The following PLCG1 variants were observed in gnomAD, a reference collection of about 807,000 sequenced individuals.
The protein encoded by PLCG1 is phospholipase C gamma 1.
Under a neutral mutation model 177.8 loss-of-function variants are expected in PLCG1, and 71 were observed. The ratio of observed to expected loss-of-function variants is 0.40; its 90% CI spans 0.33 to 0.49. PLCG1 has a LOEUF of 0.49. PLCG1 is among the 20% of genes least tolerant of loss of function. PLCG1 has a pLI of 0.72. For missense variants in PLCG1, 1,281 were observed against 1,709.0 expected, an observed-to-expected ratio of 0.75 and a Z score of 4.42; for synonymous variants, 658 against 647.9, an observed-to-expected ratio of 1.02 and a Z score of -0.24.
chr20:41,155,093 A>C (rs536287218), intron 1 of PLCG1, among the ~76,000 whole-genome samples: 2 of 152,190 alleles, frequency 1.3e-5, no homozygotes, highest in Non-Finnish European at 2.9e-5. Flanking sequence ...GAGGGAAGAG[A>C]TGGAAAAGGA....
chr20:41,164,925 T>C lies in PLCG1; in HGVS notation c.1218-8T>C. On this transcript the variant is annotated splice_polypyrimidine_tract_variant and splice_region_variant and intron_variant, in intron 12 of 31. Transcript: ENST00000685551. This position sits in a 1 kb window ranked among gnomAD's most constrained non-coding sequence, Gnocchi z 6.4. ...TCTGTTTCACTGTGCTTGTCCCCCA[T>C]CCCGCAGGTACCCAGTCATCCTGTC... 6.2e-7 allele frequency: 1 copy of C among 1,612,152 alleles called. No homozygotes were observed. Among genetic ancestry groups the C allele is most frequent in the Non-Finnish European group, 8.5e-7 (1 of 1,178,692 alleles).
intron 21 of PLCG1, 73 bp from the exon 22 acceptor site, chr20:41,169,006 C>T (rs909708): frequency 0.077 from 98,483 of 1,284,036 alleles, 4,266 homozygotes; most frequent in Middle Eastern, 0.16. Flanking sequence ...GCATGGGAAC[C>T]CCTACCAAAG....
chr20:41,149,776 C>T (rs1032709368), intron 1 of PLCG1, among the ~76,000 whole-genome samples: 3 of 152,088 alleles, frequency 2.0e-5, no homozygotes, highest in African/African-American at 4.8e-5. Context: ...AGGCCTGTAG[C>T]GCACAAAGAA....
At chr20:41,162,778 C>A in intron 6 of PLCG1, 53 bp downstream of exon 6, 1 of 1,471,962 alleles carries the variant, frequency 6.8e-7, no homozygotes, top group African/African-American at 1.4e-5. Flanking sequence ...TTCCACCCCA[C>A]ACCCCAGCTC....
At position 41,139,232 on chromosome 20, in the gene PLCG1, C is replaced by T. The variant is rs561046221; in HGVS notation, c.217+1374C>T. ...CCCCCTTCCTCAGTGCCCCCACTGA[C>T]CCTGTCAGCCATTGGGAGAACATTT... On this transcript the variant is annotated intron_variant, in intron 1 of 31. Coordinates refer to ENST00000685551, the MANE Select transcript of PLCG1 (RefSeq NM_002660.3). Among the ~76,000 whole-genome samples, 8 of 152,326 alleles carry T rather than the reference C, an allele frequency of 5.3e-5. No individual in the cohort carries two copies. In the South Asian group the frequency reaches 1.7e-3, roughly 32 times the overall value.
intron 1 of PLCG1, among the ~76,000 whole-genome samples, chr20:41,152,226 C>G (rs2035187183): frequency 1.3e-5 from 2 of 152,176 alleles, no homozygotes; most frequent in African/African-American, 4.8e-5. Flanking sequence ...CTCTTCTGAC[C>G]CCTGGGACCA....
chr20:41,162,368 G>A (rs972922090), intron 4 of PLCG1, 84 bp from the exon 5 acceptor site: 1 of 966,078 alleles, frequency 1.0e-6, no homozygotes, highest in Non-Finnish European at 1.6e-6. Flanking sequence ...TTGTTTACCT[G>A]TCCAGCCCCA....
chr20:41,168,919 TG>T, intron 21 of PLCG1, 49 bp downstream of exon 21: 1 of 1,366,182 alleles, frequency 7.3e-7, no homozygotes, highest in Non-Finnish European at 1.0e-6. Flanking sequence ...CCAGTGGAGC[TG>T]GGGCCCCAAA....
rs2035012301 is a variant in PLCG1, at chr20:41,146,940, G to A, written c.217+9082G>A. 6.6e-6 allele frequency among the ~76,000 whole-genome samples: 1 copy of A among 152,154 alleles called. No homozygotes were observed. The highest frequency in any genetic ancestry group is 1.9e-4 in the East Asian group (1 of 5,192). On this transcript the variant is annotated intron_variant, in intron 1 of 31. Transcript: ENST00000685551. This position sits in a 1 kb window ranked among gnomAD's most constrained non-coding sequence, Gnocchi z 6.3. ...CTCCAGTTGGCCATAGGTCCCACAGGTTTCTCAGCTTACTTGGGGGCAGGA... is the reference window on the plus strand; with the variant it reads ...CTCCAGTTGGCCATAGGTCCCACAGATTTCTCAGCTTACTTGGGGGCAGGA...
Position 41,166,968 on chromosome 20 carries a change from C to A in PLCG1, c.2301+109C>A. On this transcript the variant is annotated intron_variant, in intron 19 of 31. Coordinates refer to ENST00000685551, the MANE Select transcript of PLCG1 (RefSeq NM_002660.3). This position sits in a 1 kb window ranked among gnomAD's most constrained non-coding sequence, Gnocchi z 8.6. Reference sequence around the variant, plus strand: ...CAAGACCTGGTGTGTTGTAGAAGTTCGTGGGAGGGCCCCTGACTCCAGCTG... The same window carrying A: ...CAAGACCTGGTGTGTTGTAGAAGTTAGTGGGAGGGCCCCTGACTCCAGCTG... 1.9e-6 allele frequency: 2 copies of A among 1,057,660 alleles called. No homozygotes were observed. The highest frequency in any genetic ancestry group is 2.8e-6 in the Non-Finnish European group (2 of 702,980). 65.5% of individuals were successfully genotyped at this position (1,057,660 alleles called of 1,614,324 possible).
rs1445610289 is a variant in PLCG1 at position 41,159,319 on chromosome 20, G to A, written c.218-287G>A. Among the ~76,000 whole-genome samples, 3 of 152,100 alleles carry A rather than the reference G, an allele frequency of 2.0e-5. No homozygotes were observed. Among genetic ancestry groups the A allele is most frequent in the African/African-American group, 7.2e-5 (3 of 41,398 alleles). ...TCTTCTTCTGGAGTCTAGCTCTTTTGCAGGTCAAAATGTCTCAGTGAGGGA... is the reference window on the plus strand; with the variant it reads ...TCTTCTTCTGGAGTCTAGCTCTTTTACAGGTCAAAATGTCTCAGTGAGGGA... On this transcript the variant is annotated intron_variant, in intron 1 of 31. Transcript: ENST00000685551. This position sits in a 1 kb window ranked among gnomAD's most constrained non-coding sequence, Gnocchi z 6.0.
In PLCG1 at chr20:41,138,478, ATT is replaced by A. The variant is rs1175225004; in HGVS notation, c.217+636_217+637del. Among the ~76,000 whole-genome samples the A allele has an allele frequency of 5.7e-4, 78 of 137,992 alleles. 1 individual carries two copies. Among genetic ancestry groups the A allele is most frequent in the East Asian group, 5.3e-3 (25 of 4,726 alleles). 90.5% of individuals were successfully genotyped at this position (137,992 alleles called of 152,430 possible). On this transcript the variant is annotated intron_variant, in intron 1 of 31. Transcript: ENST00000685551. Reference sequence around the variant, plus strand: ...AGCCTGAGAGAAGCCAGTGGCTGGAATTTTTTTTTTTTTTTTTCTGCTACTTT... The same window carrying A: ...AGCCTGAGAGAAGCCAGTGGCTGGAATTTTTTTTTTTTTTTCTGCTACTTT...
chr20:41,167,844 G>C lies in PLCG1; in HGVS notation c.2302-8G>C. Reference sequence around the variant, plus strand: ...GCATTAACATATCCCATTGTGTCCTGTTTCCAGGAGCCTGACTACGGGGCC... The same window carrying C: ...GCATTAACATATCCCATTGTGTCCTCTTTCCAGGAGCCTGACTACGGGGCC... On this transcript the variant is annotated splice_polypyrimidine_tract_variant and splice_region_variant and intron_variant, in intron 19 of 31. Transcript: ENST00000685551. This position sits in a 1 kb window ranked among gnomAD's most constrained non-coding sequence, Gnocchi z 4.4. 6.2e-7 allele frequency: 1 copy of C among 1,609,074 alleles called. No homozygotes were observed. The highest frequency in any genetic ancestry group is 8.5e-7 in the Non-Finnish European group (1 of 1,175,566).
chr20:41,164,064 G>A lies in PLCG1; in HGVS notation c.1097-17G>A. The A allele has an allele frequency of 6.2e-7, 1 of 1,614,200 alleles. No homozygotes were observed. Among genetic ancestry groups the A allele is most frequent in the Middle Eastern group, 1.6e-4 (1 of 6,062 alleles). ...TGGGAGGCCTGCCCGCTTGACCATG[G>A]TGATGTTGCTCCCCAGTGGACTGCT... On this transcript the variant is annotated splice_polypyrimidine_tract_variant and intron_variant, in intron 11 of 31. Coordinates refer to ENST00000685551, the MANE Select transcript of PLCG1 (RefSeq NM_002660.3). This position sits in a 1 kb window ranked among gnomAD's most constrained non-coding sequence, Gnocchi z 6.4.
In PLCG1 at chr20:41,163,762, G is replaced by T; in HGVS notation, c.939G>T (p.Gln313His). 4.3e-6 allele frequency: 7 copies of T among 1,613,814 alleles called. No individual in the cohort carries two copies. Among genetic ancestry groups the T allele is most frequent in the Non-Finnish European group, 5.9e-6 (7 of 1,179,738 alleles). ...AAGAGAACAGTGTGTGGAACTCGCA[G>T]CTGGATGCAGTATGCCCGGACACCA... ...FSKENSVWNSQLDAVCPDTMN... is the reference protein window; with the variant it reads ...FSKENSVWNSHLDAVCPDTMN... The change falls in exon 10 of 32, where the codon CAG becomes CAT. Residue 313 changes from glutamine (Q) to histidine (H), a missense_variant. Gln to His is a conservative substitution (Grantham distance 24). Around this residue, in one of 4 missense-constraint regions of PLCG1, gnomAD observed 374 missense variants for 443.8 expected, o/e 0.84. Coordinates refer to ENST00000685551, the MANE Select transcript of PLCG1 (RefSeq NM_002660.3). This position sits in a 1 kb window ranked among gnomAD's most constrained non-coding sequence, Gnocchi z 5.2.
Position 41,169,528 on chromosome 20 carries a change from T to C in PLCG1, c.2650+2T>C. ...TGGATGTGCCGGCTTGTCAGATTGGTGAGCTCCCATCTGTTTCTCTTGCCC... is the reference window on the plus strand; with the variant it reads ...TGGATGTGCCGGCTTGTCAGATTGGCGAGCTCCCATCTGTTTCTCTTGCCC... On this transcript the variant is annotated splice_donor_variant, in intron 23 of 31. Coordinates refer to ENST00000685551, the MANE Select transcript of PLCG1 (RefSeq NM_002660.3). LOFTEE classifies it high-confidence loss of function. 1 of 1,608,252 alleles carries C rather than the reference T, an allele frequency of 6.2e-7. No homozygotes were observed. The highest frequency in any genetic ancestry group is 8.5e-7 in the Non-Finnish European group (1 of 1,174,824).
rs1306033933 is a variant in PLCG1 at position 41,172,048 on chromosome 20, TG to T, written c.2809-142del. On this transcript the variant is annotated intron_variant, in intron 24 of 31. Coordinates refer to ENST00000685551, the MANE Select transcript of PLCG1 (RefSeq NM_002660.3). The surrounding 1 kb of genome is among the most constrained non-coding windows in gnomAD (Gnocchi z 7.0). ...AGGACAGAGCTCCCTCATTTACTGT[TG>T]GGTGTGGTGTCTGGAAGGTACAGGG... The T allele has an allele frequency of 1.4e-6, 1 of 700,514 alleles. No individual in the cohort carries two copies. Among genetic ancestry groups the T allele is most frequent in the Non-Finnish European group, 2.6e-6 (1 of 385,626 alleles). The allele number at this position is 700,514 out of a possible 1,614,324, so 43.4% of individuals were successfully genotyped here.
In PLCG1 at chr20:41,166,316, A is replaced by C. The variant is rs1280618676; in HGVS notation, c.1922A>C (p.Gln641Pro). 3.7e-6 allele frequency: 6 copies of C among 1,614,190 alleles called. No individual in the cohort carries two copies. The highest frequency in any genetic ancestry group is 5.1e-6 in the Non-Finnish European group (6 of 1,180,042). Residue 641 changes from glutamine to proline, a missense_variant, in exon 17 of 32, where the codon CAG becomes CCG. Gln to Pro is a moderately conservative substitution (Grantham distance 76). Transcript: ENST00000685551. The surrounding 1 kb of genome is among the most constrained non-coding windows in gnomAD (Gnocchi z 8.6). The stretch of plus-strand genomic sequence containing the variant: ...TATGACCTCATCACGCACTACCAGC[A>C]GGTGCCCCTGCGCTGTAATGAGTTT... ...SLYDLITHYQ[Q>P]VPLRCNEFEM...
At chr20:41,169,402 C>T in intron 22 of PLCG1, 55 bp from the exon 23 acceptor site, 2 of 1,353,042 alleles carry the variant, frequency 1.5e-6, no homozygotes, top group South Asian at 1.2e-5. Flanking sequence ...CGGATATCCC[C>T]TCACACACAT....
Sources: gnomAD v4.1 joint callset for allele counts (sites outside exome capture counted in the v4.1 genomes callset) on GRCh38, gnomAD v4.1.1 for gene constraint, gnomAD v4.1.1 regional missense constraint, Gnocchi (gnomAD v3.1) non-coding constraint, MANE v1.5 for transcripts, NCBI Gene and HGNC (gene_info 2026-07-23, HGNC 2026-07-21) for gene names.